SPTBN1: variants seen among roughly 807,000 people sequenced by gnomAD.
SPTBN1 encodes the protein spectrin beta chain, non-erythrocytic 1.
A neutral mutation model predicts 266.4 loss-of-function variants in SPTBN1; 32 were observed. The ratio of observed to expected loss-of-function variants is 0.12; its 90% CI spans 0.09 to 0.16. The LOEUF is 0.16. Among genes scored for constraint, SPTBN1 ranks in the 10% least tolerant of loss-of-function variants. SPTBN1 has a pLI of 1.00. For synonymous variants in SPTBN1, 1,336 were observed against 1,162.2 expected (o/e 1.15, Z -3.04); for missense variants, 2,296 against 3,067.1 (o/e 0.75, Z 5.94).
At chr2:54,592,691 C>G (rs1343107653) in intron 2 of SPTBN1, among the ~76,000 whole-genome samples, 1 of 152,182 alleles carries the variant, frequency 6.6e-6, no homozygotes, top group African/African-American at 2.4e-5. Context: ...GCCCAGCTAC[C>G]TCATCCTTTT....
At chr2:54,489,826 C>G (rs1447238533) in intron 1 of SPTBN1, among the ~76,000 whole-genome samples, 1 of 152,172 alleles carries the variant, frequency 6.6e-6, no homozygotes, top group East Asian at 1.9e-4. Context: ...GGAAAACACT[C>G]CTGAGAATGT....
rs773090711 is a variant in SPTBN1 at position 54,671,003 on chromosome 2, A to G, written c.*2434A>G. On this transcript the variant is annotated 3_prime_UTR_variant, in exon 36 of 36. Coordinates refer to ENST00000356805, the MANE Select transcript of SPTBN1 (RefSeq NM_003128.3). ...CTATCATGTTTTTTGAGGATTTTGC[A>G]TATTTCTTGTTGCCATAATGCTGTG... 5.1e-6 allele frequency: 2 copies of G among 393,416 alleles called. No individual in the cohort carries two copies. The highest frequency in any genetic ancestry group is 8.9e-6 in the Non-Finnish European group (2 of 223,822). 24.4% of individuals were successfully genotyped at this position (393,416 alleles called of 1,614,324 possible). A position where few individuals can be genotyped will look rare whatever the true frequency, so the allele number is the denominator to read the frequency against.
intron 18 of SPTBN1, among the ~76,000 whole-genome samples, chr2:54,640,646 G>T (rs1430796081): frequency 6.6e-6 from 1 of 152,170 alleles, no homozygotes; most frequent in East Asian, 1.9e-4. Context: ...CCACCTCCCG[G>T]GTTCAAGCAA....
intron 35 of SPTBN1, among the ~76,000 whole-genome samples, chr2:54,668,056 A>T (rs1258049144): frequency 6.6e-6 from 1 of 152,216 alleles, no homozygotes; most frequent in Non-Finnish European, 1.5e-5. Context: ...TTTAAATGTG[A>T]AAAAGCACCT....
At chr2:54,562,527 C>CTTTTTTTT (rs1553447702) in intron 2 of SPTBN1, among the ~76,000 whole-genome samples, 1 of 63,986 alleles carries the variant, frequency 1.6e-5, no homozygotes, top group Non-Finnish European at 2.8e-5. Flanking sequence ...CTTTTCTTTT[C>CTTTTTTTT]TTTTTCTTTT....
intron 1 of SPTBN1, among the ~76,000 whole-genome samples, chr2:54,519,088 C>T (rs890693907): frequency 1.3e-5 from 2 of 152,148 alleles, no homozygotes; most frequent in East Asian, 1.9e-4. Flanking sequence ...ATGTTTCAGG[C>T]GTTGTGACTG....
At chr2:54,636,688 G>A (rs1679166399) in intron 17 of SPTBN1, among the ~76,000 whole-genome samples, 1 of 152,236 alleles carries the variant, frequency 6.6e-6, no homozygotes, top group Non-Finnish European at 1.5e-5. Context: ...ATAGAGGAGA[G>A]ACCTTGTGCA....
At position 54,649,437 on chromosome 2, in the gene SPTBN1, C is replaced by A; in HGVS notation, c.5203-178C>A. On this transcript the variant is annotated intron_variant, in intron 25 of 35. Coordinates refer to ENST00000356805, the MANE Select transcript of SPTBN1 (RefSeq NM_003128.3). The surrounding 1 kb of genome is among the most constrained non-coding windows in gnomAD (Gnocchi z 6.7). Reference sequence around the variant, plus strand: ...TAGTGCCTCACTCTGCTGCAGTGAGCAAGAAAGGAAACCCAGTTGCTAAGA... The same window carrying A: ...TAGTGCCTCACTCTGCTGCAGTGAGAAAGAAAGGAAACCCAGTTGCTAAGA... 1.8e-6 allele frequency: 2 copies of A among 1,101,476 alleles called. No homozygotes were observed. The highest frequency in any genetic ancestry group is 2.5e-6 in the Non-Finnish European group (2 of 790,894). The allele number at this position is 1,101,476 out of a possible 1,614,324, so 68.2% of individuals were successfully genotyped here.
chr2:54,633,486 CTGTT>C (rs1678902955), intron 17 of SPTBN1, among the ~76,000 whole-genome samples: 1 of 152,088 alleles, frequency 6.6e-6, no homozygotes, highest in Non-Finnish European at 1.5e-5. Flanking sequence ...CCAGTGGACT[CTGTT>C]TGACCCTAAC....
chr2:54,461,641 C>T (rs1693374605), intron 1 of SPTBN1, among the ~76,000 whole-genome samples: 1 of 152,250 alleles, frequency 6.6e-6, no homozygotes, highest in Non-Finnish European at 1.5e-5. Flanking sequence ...TCCAGTGAAA[C>T]ATTATCTCAC....
chr2:54,622,189 A>G (rs1318608595), intron 8 of SPTBN1, 111 bp from the exon 9 acceptor site: 4 of 1,202,396 alleles, frequency 3.3e-6, no homozygotes, highest in East Asian at 2.4e-5. Flanking sequence ...AGAGCTGGCC[A>G]AACTGTTTCA....
chr2:54,645,525 CT>C lies in SPTBN1; in HGVS notation c.4494+74del. Reference sequence around the variant, plus strand: ...GCCTGTGCTAAAGCCCACATTCTCACTTCTCAGTCATCCTCACCTTGGGCCA... The same window carrying C: ...GCCTGTGCTAAAGCCCACATTCTCACTCTCAGTCATCCTCACCTTGGGCCA... On this transcript the variant is annotated intron_variant, in intron 21 of 35. Coordinates refer to ENST00000356805, the MANE Select transcript of SPTBN1 (RefSeq NM_003128.3). The surrounding 1 kb of genome is among the most constrained non-coding windows in gnomAD (Gnocchi z 4.3). 2 of 1,507,222 alleles carry C rather than the reference CT, an allele frequency of 1.3e-6. No individual in the cohort carries two copies. The highest frequency in any genetic ancestry group is 1.8e-6 in the Non-Finnish European group (2 of 1,106,010). 93.4% of individuals were successfully genotyped at this position (1,507,222 alleles called of 1,614,324 possible).
At chr2:54,655,588 C>T (rs1269202496) in intron 28 of SPTBN1, among the ~76,000 whole-genome samples, 2 of 152,226 alleles carry the variant, frequency 1.3e-5, no homozygotes, top group African/African-American at 4.8e-5. Flanking sequence ...GTGTGGCCCC[C>T]TGCATGGGAA....
chr2:54,589,460 C>G (rs1675522163), intron 2 of SPTBN1, among the ~76,000 whole-genome samples: 1 of 152,218 alleles, frequency 6.6e-6, no homozygotes, highest in Non-Finnish European at 1.5e-5. Context: ...GCAGATGCAA[C>G]CTGTAGGTGC....
intron 2 of SPTBN1, among the ~76,000 whole-genome samples, chr2:54,596,392 G>A (rs1047539106): frequency 2.0e-5 from 3 of 152,198 alleles, no homozygotes; most frequent in African/African-American, 7.2e-5. Flanking sequence ...AGCATTTGCT[G>A]TTCTCCAAGT....
At position 54,474,837 on chromosome 2, in the gene SPTBN1, A is replaced by G. The variant is rs186396357; in HGVS notation, c.-48+18319A>G. ...TATTTTCTGCTGTTCTACAGTAAGC[A>G]TATGTTACTTCTATAATTTGAAAAA... is the stretch of plus-strand genomic sequence containing the variant. On this transcript the variant is annotated intron_variant, in intron 1 of 35. Coordinates refer to ENST00000356805, the MANE Select transcript of SPTBN1 (RefSeq NM_003128.3). Among the ~76,000 whole-genome samples the G allele has an allele frequency of 7.1e-4, 108 of 152,292 alleles. 1 individual carries two copies. The South Asian group carries it at 8.9e-3, about 13-fold the overall frequency.
intron 32 of SPTBN1, chr2:54,661,869 G>C: frequency 1.0e-6 from 1 of 985,348 alleles, no homozygotes; most frequent in Non-Finnish European, 1.2e-6. Flanking sequence ...GATGTTCTTA[G>C]CATTTGCTAT....
At position 54,664,435 on chromosome 2, in the gene SPTBN1, CCT is replaced by C. The variant is rs1281315197; in HGVS notation, c.6421-14_6421-13del. ...ATGGCTCACGGAGTTAGCTGAATGG[CCT>C]CTCCGCTGTCCCTAGATGGCAGAAA... On this transcript the variant is annotated splice_polypyrimidine_tract_variant and intron_variant, in intron 32 of 35. Coordinates refer to ENST00000356805, the MANE Select transcript of SPTBN1 (RefSeq NM_003128.3). This position sits in a 1 kb window ranked among gnomAD's most constrained non-coding sequence, Gnocchi z 5.6. 6.2e-7 allele frequency: 1 copy of C among 1,603,310 alleles called. No homozygotes were observed. The highest frequency in any genetic ancestry group is 8.5e-7 in the Non-Finnish European group (1 of 1,171,522).
rs148239246 is a variant in SPTBN1, at chr2:54,645,756, C to T, written c.4495-172C>T. Among the ~76,000 whole-genome samples, 356 of 152,298 alleles carry T rather than the reference C, an allele frequency of 2.3e-3. 3 individuals are homozygous for T. Among genetic ancestry groups the T allele is most frequent in the African/African-American group, 8.0e-3 (333 of 41,558 alleles). On this transcript the variant is annotated intron_variant, in intron 21 of 35. Transcript: ENST00000356805. The surrounding 1 kb of genome is among the most constrained non-coding windows in gnomAD (Gnocchi z 4.3). Reference sequence around the variant, plus strand: ...GATGAGGTAGAGTTGGAAAGACTCTCCCTAGCCCTGTCTCGGAGAACAAGG... The same window carrying T: ...GATGAGGTAGAGTTGGAAAGACTCTTCCTAGCCCTGTCTCGGAGAACAAGG...
Sources: allele counts gnomAD v4.1 joint callset (sites outside exome capture counted in the v4.1 genomes callset), GRCh38; gene constraint gnomAD v4.1.1; non-coding constraint Gnocchi (gnomAD v3.1); transcripts MANE v1.5; gene names NCBI Gene and HGNC (gene_info 2026-07-23, HGNC 2026-07-21).